The following CNTNAP3B variants were observed in gnomAD, a reference collection of about 807,000 sequenced individuals.
CNTNAP3B encodes contactin-associated protein-like 3B.
Under a neutral mutation model 108.9 loss-of-function variants are expected in CNTNAP3B, and 25 were observed. That is an observed-to-expected ratio of 0.23 (90% confidence interval 0.17 to 0.32). The LOEUF (loss-of-function observed/expected upper bound fraction) is 0.32, where lower values mean the gene tolerates loss of function less well. CNTNAP3B is among the 10% of genes least tolerant of loss of function. CNTNAP3B has a pLI of 1.00. For missense variants in CNTNAP3B, 252 were observed against 1,210.4 expected, an observed-to-expected ratio of 0.21 and a Z score of 11.75; for synonymous variants, 103 against 473.4, an observed-to-expected ratio of 0.22 and a Z score of 10.16.
At position 42,112,988 on chromosome 9, in the gene CNTNAP3B, C is replaced by T. The variant is rs1346647510; in HGVS notation, c.86-8249G>A. Reference sequence around the variant, plus strand: ...GCCAAGATAGTATCGATCTCCTGATCTCGTGATCCACCTGCCTCAACCTCC... The same window carrying T: ...GCCAAGATAGTATCGATCTCCTGATTTCGTGATCCACCTGCCTCAACCTCC... On this transcript the variant is annotated intron_variant, in intron 1 of 23. Coordinates refer to ENST00000377561, the MANE Select transcript of CNTNAP3B (RefSeq NM_001201380.3). 4.6e-5 allele frequency among the ~76,000 whole-genome samples: 6 copies of T among 129,752 alleles called. 1 individual carries two copies. In the South Asian group the frequency reaches 1.0e-3, roughly 22 times the overall value. 85.1% of individuals were successfully genotyped at this position (129,752 alleles called of 152,430 possible).
intron 1 of CNTNAP3B, among the ~76,000 whole-genome samples, chr9:42,119,919 G>A (rs1348352726): frequency 7.2e-6 from 1 of 139,854 alleles, no homozygotes; most frequent in Non-Finnish European, 1.5e-5. Context: ...TCATGGGCAA[G>A]GACTTCATGT....
chr9:41,993,777 G>A (rs1053422604), intron 7 of CNTNAP3B: 2 of 106,600 alleles, frequency 1.9e-5, no homozygotes, highest in African/African-American at 7.4e-5. Context: ...TTTATATATT[G>A]GAACAACTAT....
At chr9:41,969,705 C>T (rs1386852540) in intron 10 of CNTNAP3B, among the ~76,000 whole-genome samples, 2 of 150,954 alleles carry the variant, frequency 1.3e-5, no homozygotes, top group African/African-American at 2.5e-5. Flanking sequence ...GCAAGCTCCA[C>T]CTCCCGGGTT....
chr9:41,962,964 A>AAAAC (rs1253708200), intron 11 of CNTNAP3B, among the ~76,000 whole-genome samples: 2 of 150,026 alleles, frequency 1.3e-5, no homozygotes, highest in East Asian at 3.9e-4. Flanking sequence ...CAAAAAACAA[A>AAAAC]AAACAAACAA....
rs1340333168 is a variant in CNTNAP3B at position 42,037,647 on chromosome 9, C to T, written c.391-24122G>A. On this transcript the variant is annotated intron_variant, in intron 3 of 23. Coordinates refer to ENST00000377561, the MANE Select transcript of CNTNAP3B (RefSeq NM_001201380.3). ...GGACTATGTGAAAAGACCAAATCTA[C>T]GTCTGATTGGTGTACCTGAAAGTGA... Among the ~76,000 whole-genome samples the T allele has an allele frequency of 1.1e-4, 9 of 81,390 alleles. 1 individual carries two copies. The highest frequency in any genetic ancestry group is 2.1e-4 in the African/African-American group (4 of 19,396). 53.4% of individuals were successfully genotyped at this position (81,390 alleles called of 152,430 possible). A position where few individuals can be genotyped will look rare whatever the true frequency, so the allele number is the denominator to read the frequency against.
intron 3 of CNTNAP3B, among the ~76,000 whole-genome samples, chr9:42,036,309 T>C (rs1203018033): frequency 7.1e-6 from 1 of 141,230 alleles, no homozygotes; most frequent in South Asian, 2.2e-4. Context: ...CTCCCTAGAA[T>C]AACCAGATCA....
Position 41,929,389 on chromosome 9 carries a change from C to A in CNTNAP3B, c.2293G>T (p.Val765Leu), listed in dbSNP as rs1823911342. Residue 765 changes from valine (V) to leucine (L), a missense_variant, in exon 15 of 24, where the codon GTG becomes TTG. Physicochemically the swap from Val to Leu is conservative, Grantham distance 32 (BLOSUM62 1). Transcript: ENST00000377561. ...TGTGGTTGGCCTGTGTCTGTCATCA[C>A]AATCTGAGTGACTGGGAGGTGCTCC... Reference protein sequence around the residue: ...QKEHLPVTQIVMTDTGQPHSE... With the variant: ...QKEHLPVTQILMTDTGQPHSE... 5.2e-6 allele frequency: 8 copies of A among 1,543,604 alleles called. 1 individual carries two copies. Among genetic ancestry groups the A allele is most frequent in the Middle Eastern group, 2.1e-4 (1 of 4,676 alleles).
intron 15 of CNTNAP3B, among the ~76,000 whole-genome samples, chr9:41,925,758 G>A (rs1258244418): frequency 1.3e-4 from 20 of 152,362 alleles, no homozygotes; most frequent in Non-Finnish European, 2.2e-4. Context: ...CTCAAATGTG[G>A]CAGCTCCTTT....
intron 14 of CNTNAP3B, among the ~76,000 whole-genome samples, chr9:41,931,412 T>A (rs1588046887): frequency 6.6e-6 from 1 of 152,288 alleles, no homozygotes; most frequent in East Asian, 1.9e-4. Context: ...TACTAGAATT[T>A]CTTTTACTTA....
chr9:42,089,117 AG>A (rs1416108599), intron 2 of CNTNAP3B, among the ~76,000 whole-genome samples: 1 of 78,422 alleles, frequency 1.3e-5, no homozygotes, highest in Non-Finnish European at 2.5e-5. Context: ...ACTTGGGACA[AG>A]GGTAATCCCA....
chr9:41,928,159 C>T (rs1489829614), intron 15 of CNTNAP3B, among the ~76,000 whole-genome samples: 1 of 152,272 alleles, frequency 6.6e-6, no homozygotes, highest in Non-Finnish European at 1.5e-5. Flanking sequence ...TACTTGCAAG[C>T]TAACAATTTA....
intron 1 of CNTNAP3B, among the ~76,000 whole-genome samples, chr9:42,126,868 C>A (rs1467261525): frequency 1.4e-5 from 2 of 139,242 alleles, no homozygotes; most frequent in East Asian, 4.3e-4. Context: ...CTGTGCCCGG[C>A]CTAGAGAGCT....
intron 12 of CNTNAP3B, among the ~76,000 whole-genome samples, chr9:41,959,666 C>T (rs1758285): frequency 0.011 from 1,671 of 151,098 alleles, no homozygotes; most frequent in African/African-American, 0.028. Context: ...CAGCACATTG[C>T]TGTGCAGGTG....
chr9:42,042,095 G>A (rs1205818205), intron 3 of CNTNAP3B, among the ~76,000 whole-genome samples: 4 of 142,254 alleles, frequency 2.8e-5, no homozygotes, highest in Non-Finnish European at 4.6e-5. Flanking sequence ...GTGGGGTGGT[G>A]GGAGGAGGGA....
rs1292843543 is a variant in CNTNAP3B, at chr9:41,950,946, G to A, written c.2080+2237C>T. 1.5e-4 allele frequency among the ~76,000 whole-genome samples: 22 copies of A among 144,598 alleles called. No homozygotes were observed. The South Asian group carries it at 4.5e-3, about 29-fold the overall frequency. The allele number at this position is 144,598 out of a possible 152,430, so 94.9% of individuals were successfully genotyped here. A position where few individuals can be genotyped will look rare whatever the true frequency, so the allele number is the denominator to read the frequency against. On this transcript the variant is annotated intron_variant, in intron 13 of 23. Transcript: ENST00000377561. ...ACTTTTTTGTATTTTTAGTAGAGAC[G>A]GGGTTTCATCGTGTTAGCCAGGATG...
At chr9:41,915,872 C>T (rs1347683149) in intron 18 of CNTNAP3B, among the ~76,000 whole-genome samples, 2 of 151,200 alleles carry the variant, frequency 1.3e-5, no homozygotes, top group East Asian at 3.9e-4. Flanking sequence ...TAATATACTT[C>T]ATGACAATGT....
rs1248207608 is a variant in CNTNAP3B at position 42,093,495 on chromosome 9, G to T, written c.196+11134C>A. ...ACACATCACAGGAAATTTACCATTT[G>T]AACTGTTTTATATGTAAAGTTCAGT... On this transcript the variant is annotated intron_variant, in intron 2 of 23. Transcript: ENST00000377561. Among the ~76,000 whole-genome samples, 5 of 89,398 alleles carry T rather than the reference G, an allele frequency of 5.6e-5. 2 individuals carry two copies. Among genetic ancestry groups the T allele is most frequent in the Admixed American group, 1.2e-4 (1 of 8,378 alleles). 58.6% of individuals were successfully genotyped at this position (89,398 alleles called of 152,430 possible). A position where few individuals can be genotyped will look rare whatever the true frequency, so the allele number is the denominator to read the frequency against.
intron 2 of CNTNAP3B, among the ~76,000 whole-genome samples, chr9:42,082,920 G>A (rs1221908645): frequency 7.2e-6 from 1 of 139,502 alleles, no homozygotes; most frequent in Non-Finnish European, 1.5e-5. Flanking sequence ...GAGAAAGCAA[G>A]ATCCAACTAT....
chr9:42,107,803 G>A lies in CNTNAP3B; in HGVS notation c.86-3064C>T, dbSNP rs533153087. Among the ~76,000 whole-genome samples the A allele has an allele frequency of 4.9e-3, 652 of 133,498 alleles. 104 individuals are homozygous for A. The highest frequency in any genetic ancestry group is 0.011 in the Middle Eastern group (3 of 280). 87.6% of individuals were successfully genotyped at this position (133,498 alleles called of 152,430 possible). ...ATCCTGGCTAATACGGTGAAACCCC[G>A]TCTCTACTAAAAATACAAAAAATTA... On this transcript the variant is annotated intron_variant, in intron 1 of 23. Coordinates refer to ENST00000377561, the MANE Select transcript of CNTNAP3B (RefSeq NM_001201380.3).
Sources: gnomAD v4.1 joint callset for allele counts (sites outside exome capture counted in the v4.1 genomes callset) on GRCh38, gnomAD v4.1.1 for gene constraint, MANE v1.5 for transcripts, NCBI Gene and HGNC (gene_info 2026-07-23, HGNC 2026-07-21) for gene names.